The following EMILIN2 variants were observed in gnomAD, a reference collection of about 807,000 sequenced individuals.
EMILIN2 encodes the protein EMILIN-2.
EMILIN2 carries 71 observed loss-of-function variants against 87.1 expected under a neutral mutation model. The ratio of observed to expected loss-of-function variants is 0.82; its 90% confidence interval spans 0.67 to 0.99. The LOEUF is 0.99. Among genes scored for constraint, EMILIN2 ranks in the 50% least tolerant of loss-of-function variants. The pLI, the probability that EMILIN2 is intolerant of heterozygous loss-of-function variation, is 0.00. For synonymous variants in EMILIN2, 581 were observed against 563.4 expected (o/e 1.03, Z -0.44); for missense variants, 1,407 against 1,371.8 (o/e 1.03, Z -0.40).
intron 2 of EMILIN2, among the ~76,000 whole-genome samples, chr18:2,868,248 A>T (rs1329548144): frequency 6.8e-6 from 1 of 148,058 alleles, no homozygotes; most frequent in Non-Finnish European, 1.5e-5. Flanking sequence ...ATGGGCGGCC[A>T]GGCAGAGACG....
At chr18:2,877,733 G>A (rs9952573) in intron 2 of EMILIN2, among the ~76,000 whole-genome samples, 86,983 of 149,842 alleles carry the variant, frequency 0.58, 25,746 homozygotes, top group East Asian at 0.92. Context: ...AGCTGAGATC[G>A]CACCTCTGCA....
chr18:2,893,174 C>A (rs551024), intron 4 of EMILIN2, among the ~76,000 whole-genome samples: 123,161 of 152,138 alleles, frequency 0.81, 50,122 homozygotes, highest in Middle Eastern at 0.9. Flanking sequence ...GATGGATAGC[C>A]AAATATTATC....
At position 2,907,075 on chromosome 18, in the gene EMILIN2, G is replaced by A. The variant is rs1393977954; in HGVS notation, c.2652G>A (p.Ala884=). The change falls in exon 5 of 8, where the codon GCG becomes GCA. Residue 884 remains alanine, a synonymous_variant. Coordinates refer to ENST00000254528, the MANE Select transcript of EMILIN2 (RefSeq NM_032048.3). ...CCGTCCCCGGCGCAGAAGGCTTCGC[G>A]GGCGCACCAGGTGAGGCCCGGGGCT... The part of the protein sequence containing the change: ...SGTVPGAEGF[A]GAPGYPKSPP... The A allele has an allele frequency of 8.0e-7, 1 of 1,253,598 alleles. No individual in the cohort carries two copies. The highest frequency in any genetic ancestry group is 3.3e-5 in the South Asian group (1 of 30,534). 77.7% of individuals were successfully genotyped at this position (1,253,598 alleles called of 1,614,324 possible).
Position 2,848,060 on chromosome 18 carries a change from G to A in EMILIN2, c.257+129G>A. The A allele has an allele frequency of 1.6e-6, 2 of 1,249,376 alleles. No homozygotes were observed. The highest frequency in any genetic ancestry group is 2.1e-6 in the Non-Finnish European group (2 of 935,452). The allele number at this position is 1,249,376 out of a possible 1,614,324, so 77.4% of individuals were successfully genotyped here. On this transcript the variant is annotated intron_variant, in intron 2 of 7. Transcript: ENST00000254528. The surrounding 1 kb of genome is among the most constrained non-coding windows in gnomAD (Gnocchi z 4.1). ...CCAGATCCGGTGAAAAGCCCGCAGCGGAAAAGCGCTCCGAGCGCTCGCGGG... is the reference window on the plus strand; with the variant it reads ...CCAGATCCGGTGAAAAGCCCGCAGCAGAAAAGCGCTCCGAGCGCTCGCGGG...
At position 2,890,684 on chromosome 18, in the gene EMILIN2, T is replaced by C; in HGVS notation, c.557T>C (p.Val186Ala). Residue 186 changes from valine to alanine, a missense_variant, in exon 4 of 8, where the codon GTG becomes GCG. Physicochemically the swap from Val to Ala is moderately conservative, Grantham distance 64. Transcript: ENST00000254528. This position sits in a 1 kb window ranked among gnomAD's most constrained non-coding sequence, Gnocchi z 4.7. ...GAACTTCAGGAAAAGAAGATACAGG[T>C]GCTAGAGGAGAAGGTTCTTCGACTC... ...PQELQEKKIQ[V>A]LEEKVLRLTR... 1 of 1,613,994 alleles carries C rather than the reference T, an allele frequency of 6.2e-7. No individual in the cohort carries two copies. The highest frequency in any genetic ancestry group is 8.5e-7 in the Non-Finnish European group (1 of 1,179,998).
At chr18:2,888,603 T>C (rs960044094) in intron 3 of EMILIN2, among the ~76,000 whole-genome samples, 1 of 151,190 alleles carries the variant, frequency 6.6e-6, no homozygotes, top group Admixed American at 6.6e-5. Flanking sequence ...TAGTCCCAGC[T>C]ACTCGGGAGG....
chr18:2,905,523 G>A (rs2076906383), intron 4 of EMILIN2, among the ~76,000 whole-genome samples: 2 of 151,906 alleles, frequency 1.3e-5, no homozygotes, highest in Admixed American at 6.6e-5. Context: ...TTAAAAATGT[G>A]CAAAAGATAA....
chr18:2,851,091 A>G (rs757980054), intron 2 of EMILIN2, among the ~76,000 whole-genome samples: 1 of 118,432 alleles, frequency 8.4e-6, no homozygotes, highest in Non-Finnish European at 1.6e-5. Flanking sequence ...GCTCTGATGG[A>G]AAAAAAAAAA....
Position 2,892,213 on chromosome 18 carries a change from C to T in EMILIN2, c.2086C>T (p.Gln696Ter), listed in dbSNP as rs758271770. The T allele has an allele frequency of 6.2e-7, 1 of 1,608,746 alleles. No homozygotes were observed. The highest frequency in any genetic ancestry group is 8.5e-7 in the Non-Finnish European group (1 of 1,176,310). The stretch of plus-strand genomic sequence containing the variant: ...TTGTAAGGAATGCACGCAGGGGGTC[C>T]AGAGGGAGGTCTCCATGGTGGAGGG... ...DACKECTQGV[Q>*]REVSMVEGRV... The change falls in exon 4 of 8, where the codon CAG becomes TAG. Residue 696 changes from glutamine (Q) to a stop codon, truncating the protein, a stop_gained. Transcript: ENST00000254528. LOFTEE classifies it high-confidence loss of function.
intron 2 of EMILIN2, among the ~76,000 whole-genome samples, chr18:2,863,302 T>A (rs1418736920): frequency 6.6e-6 from 1 of 152,230 alleles, no homozygotes; most frequent in Non-Finnish European, 1.5e-5. Context: ...GTTCTTTTAA[T>A]TGTGATGTTA....
chr18:2,862,147 G>T (rs1205426437), intron 2 of EMILIN2, among the ~76,000 whole-genome samples: 3 of 152,152 alleles, frequency 2.0e-5, no homozygotes, highest in Admixed American at 6.5e-5. Context: ...AGACAGTGGG[G>T]TTTTCTAGAT....
intron 4 of EMILIN2, among the ~76,000 whole-genome samples, chr18:2,896,924 C>G (rs971329002): frequency 4.6e-5 from 7 of 152,064 alleles, no homozygotes; most frequent in Non-Finnish European, 7.4e-5. Context: ...ATCGCTTGAG[C>G]CCAAGAGTTC....
chr18:2,876,027 G>C (rs1189648035), intron 2 of EMILIN2, among the ~76,000 whole-genome samples: 1 of 148,684 alleles, frequency 6.7e-6, no homozygotes, highest in Non-Finnish European at 1.5e-5. Flanking sequence ...TGTCACCCAG[G>C]CTGGAGTGCA....
In EMILIN2 at chr18:2,914,725, T is replaced by C. The variant is rs1021508636; in HGVS notation, c.*1321T>C. 2 of 152,040 alleles carry C rather than the reference T, an allele frequency of 1.3e-5. No individual in the cohort carries two copies. Among genetic ancestry groups the C allele is most frequent in the Non-Finnish European group, 2.9e-5 (2 of 68,000 alleles). 9.4% of individuals were successfully genotyped at this position (152,040 alleles called of 1,614,324 possible). On this transcript the variant is annotated 3_prime_UTR_variant, in exon 8 of 8. Coordinates refer to ENST00000254528, the MANE Select transcript of EMILIN2 (RefSeq NM_032048.3). ...GCTCTTATGCTGTAAAAAAAATGCT[T>C]TAAGAATTGTTTGCAAATGAATTTA...
Position 2,891,073 on chromosome 18 carries a change from G to GTAGA in EMILIN2, c.946_947insTAGA (p.Ala316ValfsTer7), listed in dbSNP as rs2076833740. On this transcript the variant is annotated frameshift_variant, in exon 4 of 8. Transcript: ENST00000254528. LOFTEE classifies it high-confidence loss of function. The surrounding 1 kb of genome is among the most constrained non-coding windows in gnomAD (Gnocchi z 4.6). ...CATGACAACCAACGAACTCTACCAA[G>GTAGA]CCTATGTGGACAGTAAGATCGACGC... is the stretch of plus-strand genomic sequence containing the variant. 6.2e-7 allele frequency: 1 copy of GTAGA among 1,614,092 alleles called. No homozygotes were observed. The highest frequency in any genetic ancestry group is 1.3e-5 in the African/African-American group (1 of 74,926).
Position 2,895,363 on chromosome 18 carries a change from G to A in EMILIN2, c.2359+2877G>A, listed in dbSNP as rs1183282843. 8.5e-5 allele frequency among the ~76,000 whole-genome samples: 13 copies of A among 152,264 alleles called. No individual in the cohort carries two copies. The East Asian group carries it at 2.3e-3, about 27-fold the overall frequency. Reference sequence around the variant, plus strand: ...GAGGTGTTACTGGATCTGATTGAGGGATGGGTGGGATTCAGAAAGCAGGAG... The same window carrying A: ...GAGGTGTTACTGGATCTGATTGAGGAATGGGTGGGATTCAGAAAGCAGGAG... On this transcript the variant is annotated intron_variant, in intron 4 of 7. Coordinates refer to ENST00000254528, the MANE Select transcript of EMILIN2 (RefSeq NM_032048.3).
At chr18:2,879,908 A>G (rs1011376403) in intron 2 of EMILIN2, among the ~76,000 whole-genome samples, 2 of 151,976 alleles carry the variant, frequency 1.3e-5, no homozygotes, top group African/African-American at 4.8e-5. Context: ...AGGTTTTGCT[A>G]TGTTGCCCAG....
In EMILIN2 at chr18:2,913,423, A is replaced by G. The variant is rs1485272534; in HGVS notation, c.*19A>G. 2 of 1,539,612 alleles carry G rather than the reference A, an allele frequency of 1.3e-6. No individual in the cohort carries two copies. Among genetic ancestry groups the G allele is most frequent in the African/African-American group, 1.4e-5 (1 of 72,174 alleles). On this transcript the variant is annotated 3_prime_UTR_variant, in exon 8 of 8. Coordinates refer to ENST00000254528, the MANE Select transcript of EMILIN2 (RefSeq NM_032048.3). ...CCTCTAAGGTGGCTGGGGAGATGTC[A>G]GGGGAAAGATAGATAGTTGTAAAAA... is the stretch of plus-strand genomic sequence containing the variant.
At chr18:2,881,997 G>A (rs529836497) in intron 2 of EMILIN2, among the ~76,000 whole-genome samples, 2 of 152,330 alleles carry the variant, frequency 1.3e-5, no homozygotes, top group African/African-American at 4.8e-5. Context: ...ATCTCCAGGT[G>A]GGGCCGCTTC....
Sources: allele counts gnomAD v4.1 joint callset (sites outside exome capture counted in the v4.1 genomes callset), GRCh38; gene constraint gnomAD v4.1.1; non-coding constraint Gnocchi (gnomAD v3.1); transcripts MANE v1.5; gene names NCBI Gene and HGNC (gene_info 2026-07-23, HGNC 2026-07-21).